Variants in HSPA12A observed in about 807,000 individuals in gnomAD.
HSPA12A encodes heat shock 70 kDa protein 12A.
HSPA12A carries 28 observed loss-of-function variants against 69.2 expected under a neutral mutation model. The observed-to-expected ratio is 0.40, with a 90% CI of 0.30 to 0.55. The LOEUF is 0.55. Among genes scored for constraint, HSPA12A ranks in the 20% least tolerant of loss-of-function variants. The probability of loss-of-function intolerance (pLI) is 0.38; values close to 1 mark genes in which losing one functional copy is unlikely to be tolerated. For synonymous variants in HSPA12A, 345 were observed against 370.5 expected, an observed-to-expected ratio of 0.93 and a Z score of 0.79; for missense variants, 686 against 900.7, an observed-to-expected ratio of 0.76 and a Z score of 3.05.
Position 116,675,203 on chromosome 10 carries a change from T to G in HSPA12A, c.1606A>C (p.Thr536Pro). 2 of 1,613,542 alleles carry G rather than the reference T, an allele frequency of 1.2e-6. No homozygotes were observed. Among genetic ancestry groups the G allele is most frequent in the Non-Finnish European group, 1.7e-6 (2 of 1,179,980 alleles). ...AVIKVRRSPLTYGVGVLNRYV... is the reference protein window; with the variant it reads ...AVIKVRRSPLPYGVGVLNRYV... ...CGGTTCAGCACGCCTACCCCGTAGGTGAGCGGCGACCGGCGCACCTTGATG... is the reference window on the plus strand; with the variant it reads ...CGGTTCAGCACGCCTACCCCGTAGGGGAGCGGCGACCGGCGCACCTTGATG... The change falls in exon 12 of 12, where the codon ACC (threonine) becomes CCC (proline). Residue 536 changes from threonine to proline, a missense_variant. By Grantham distance (38) the Thr-to-Pro change is conservative (BLOSUM62 -1). Coordinates refer to ENST00000369209, the MANE Select transcript of HSPA12A (RefSeq NM_025015.3). The surrounding 1 kb of genome is among the most constrained non-coding windows in gnomAD (Gnocchi z 5.2).
At chr10:116,763,948 G>T (rs563169483) in intron 2 of HSPA12A, among the ~76,000 whole-genome samples, 3 of 152,090 alleles carry the variant, frequency 2.0e-5, no homozygotes, top group East Asian at 1.9e-4. Flanking sequence ...GGCGTTATTG[G>T]GGGGGCGGTC....
chr10:116,759,447 C>T (rs782816045), intron 2 of HSPA12A, among the ~76,000 whole-genome samples: 2 of 152,192 alleles, frequency 1.3e-5, no homozygotes, highest in African/African-American at 2.4e-5. Context: ...TTGGACAGAA[C>T]TAGATCTCAT....
At chr10:116,833,358 C>G (rs950568357) in intron 2 of HSPA12A, 1 of 152,176 alleles carries the variant, frequency 6.6e-6, no homozygotes, top group Non-Finnish European at 1.5e-5. Context: ...GTGGTAGCTG[C>G]TGCAGCCTGG....
At chr10:116,727,755 T>TTTC (rs1374572948) in intron 1 of HSPA12A, among the ~76,000 whole-genome samples, 1 of 150,862 alleles carries the variant, frequency 6.6e-6, no homozygotes, top group Non-Finnish European at 1.5e-5. Context: ...TAAGTGGGTT[T>TTTC]TTTTTTTTTT....
chr10:116,702,775 T>C (rs1850116974), intron 3 of HSPA12A, among the ~76,000 whole-genome samples: 1 of 152,216 alleles, frequency 6.6e-6, no homozygotes, highest in Admixed American at 6.5e-5. Flanking sequence ...TTATAACTTG[T>C]CATATTAGCA....
At chr10:116,728,477 T>C (rs1851048165) in intron 1 of HSPA12A, among the ~76,000 whole-genome samples, 1 of 152,222 alleles carries the variant, frequency 6.6e-6, no homozygotes, top group Non-Finnish European at 1.5e-5. Context: ...TGGAAAAATT[T>C]AGCTTCGTGC....
At chr10:116,693,111 T>C (rs1279312117) in intron 5 of HSPA12A, among the ~76,000 whole-genome samples, 1 of 152,098 alleles carries the variant, frequency 6.6e-6, no homozygotes, top group East Asian at 1.9e-4. Context: ...GTCCCATAGG[T>C]AAACAGTGCC....
chr10:116,837,334 C>T (rs998048734), intron 1 of HSPA12A, among the ~76,000 whole-genome samples: 2 of 152,184 alleles, frequency 1.3e-5, no homozygotes, highest in Non-Finnish European at 2.9e-5. Context: ...ACTTACGACA[C>T]GCCATGCTGC....
At chr10:116,837,112 G>T (rs1213397528) in intron 1 of HSPA12A, among the ~76,000 whole-genome samples, 1 of 152,178 alleles carries the variant, frequency 6.6e-6, no homozygotes, top group Admixed American at 6.5e-5. Flanking sequence ...CACACTTAAG[G>T]AGTTTTCATA....
chr10:116,849,418 T>C (rs1182889998), intron 1 of HSPA12A: 15 of 1,159,336 alleles, frequency 1.3e-5, no homozygotes, highest in East Asian at 2.8e-5. Context: ...CTAGCTCCAA[T>C]AAAAGGGAAC....
At position 116,759,945 on chromosome 10, in the gene HSPA12A, A is replaced by G. The variant is rs565836046; in HGVS notation, c.92-52660T>C. 5.3e-5 allele frequency among the ~76,000 whole-genome samples: 8 copies of G among 152,126 alleles called. No individual in the cohort carries two copies. The South Asian group carries it at 1.5e-3, about 28-fold the overall frequency. ...TGCCGCCATGTGAGATGTGCCTTTC[A>G]CCTTCCACCATGAGGGTAAGGCCTC... is the stretch of plus-strand genomic sequence containing the variant. On this transcript the variant is annotated intron_variant, in intron 2 of 12. Coordinates refer to the HSPA12A transcript ENST00000635765.
chr10:116,704,292 G>A, intron 3 of HSPA12A, among the ~76,000 whole-genome samples: 1 of 152,202 alleles, frequency 6.6e-6, no homozygotes, highest in East Asian at 1.9e-4. Context: ...AAAAAATGAT[G>A]AGTTCATGTC....
intron 1 of HSPA12A, among the ~76,000 whole-genome samples, chr10:116,842,873 G>A (rs185500891): frequency 5.5e-4 from 83 of 152,276 alleles, no homozygotes; most frequent in Non-Finnish European, 1.0e-3. Context: ...GATTACAGGC[G>A]TGAGCCACCA....
intron 6 of HSPA12A, among the ~76,000 whole-genome samples, chr10:116,691,905 A>T (rs1849748567): frequency 6.6e-6 from 1 of 152,248 alleles, no homozygotes; most frequent in Non-Finnish European, 1.5e-5. Flanking sequence ...TGCAGTTTTC[A>T]GCCTCCACAC....
At chr10:116,811,488 C>A (rs1845182109) in intron 2 of HSPA12A, among the ~76,000 whole-genome samples, 1 of 151,350 alleles carries the variant, frequency 6.6e-6, no homozygotes. Context: ...TTCTCCCTCA[C>A]ACCAAAGGCA....
chr10:116,687,862 T>C (rs1404762788), intron 6 of HSPA12A, among the ~76,000 whole-genome samples: 1 of 152,196 alleles, frequency 6.6e-6, no homozygotes, highest in Admixed American at 6.5e-5. Context: ...CTTAACATAT[T>C]CCGTCTCCAG....
intron 1 of HSPA12A, among the ~76,000 whole-genome samples, chr10:116,715,539 C>A (rs1347223603): frequency 6.6e-6 from 1 of 152,094 alleles, no homozygotes; most frequent in Non-Finnish European, 1.5e-5. Context: ...ACCAGAATAG[C>A]AGGAGAGGGA....
chr10:116,731,851 C>T (rs769172747), intron 1 of HSPA12A, among the ~76,000 whole-genome samples: 1 of 152,164 alleles, frequency 6.6e-6, no homozygotes, highest in Admixed American at 6.5e-5. Flanking sequence ...AATCTTGCGG[C>T]CTCGTCTGGG....
intron 2 of HSPA12A, among the ~76,000 whole-genome samples, chr10:116,807,927 C>G (rs1306314305): frequency 6.6e-6 from 1 of 152,214 alleles, no homozygotes; most frequent in Non-Finnish European, 1.5e-5. Flanking sequence ...ACCCAGCTCT[C>G]TAGAAGGCAG....
Sources: gnomAD v4.1 joint callset for allele counts (sites outside exome capture counted in the v4.1 genomes callset) on GRCh38, gnomAD v4.1.1 for gene constraint, Gnocchi (gnomAD v3.1) non-coding constraint, MANE v1.5 for transcripts, NCBI Gene and HGNC (gene_info 2026-07-23, HGNC 2026-07-21) for gene names.